The following CTNNBL1 variants were observed in gnomAD, a reference collection of about 807,000 sequenced individuals.
The protein encoded by CTNNBL1 is catenin beta like 1.
Under a neutral mutation model 72.7 loss-of-function variants are expected in CTNNBL1, and 31 were observed. The ratio of observed to expected loss-of-function variants is 0.43; its 90% CI spans 0.32 to 0.58. CTNNBL1 has a LOEUF of 0.58. Among genes scored for constraint, CTNNBL1 ranks in the 20% least tolerant of loss-of-function variants. The pLI is 0.08. For synonymous variants in CTNNBL1, 240 were observed against 267.3 expected (o/e 0.90, Z 1.00); for missense variants, 534 against 725.1 (o/e 0.74, Z 3.03).
chr20:37,746,375 G>A, intron 3 of CTNNBL1, 93 bp from the exon 4 acceptor site: 1 of 1,394,352 alleles, frequency 7.2e-7, no homozygotes. Context: ...TAGACACTTT[G>A]ACAGATTGCC....
intron 5 of CTNNBL1, among the ~76,000 whole-genome samples, chr20:37,760,291 A>G (rs1284389564): frequency 6.6e-6 from 1 of 152,162 alleles, no homozygotes; most frequent in Non-Finnish European, 1.5e-5. Flanking sequence ...TCATTTTTCT[A>G]CTTGCCAGTC....
Position 37,802,978 on chromosome 20 carries a change from C to T in CTNNBL1, c.1143C>T (p.Thr381=), listed in dbSNP as rs780882676. 5 of 1,613,960 alleles carry T rather than the reference C, an allele frequency of 3.1e-6. No individual in the cohort carries two copies. The African/African-American group carries it at 6.7e-5, about 22-fold the overall frequency. Residue 381 remains threonine (T), a synonymous_variant, in exon 11 of 16, where the codon ACC becomes ACT. Transcript: ENST00000361383. ...TTGTTGACATTCTTGGCTTACGAAC[C>T]ATCTTTCCCCTCTTTATGAAATCTC... ...HKFVDILGLR[T]IFPLFMKSPR...
chr20:37,773,835 A>G (rs560495108), intron 7 of CTNNBL1, among the ~76,000 whole-genome samples: 1 of 151,486 alleles, frequency 6.6e-6, no homozygotes, highest in Non-Finnish European at 1.5e-5. Context: ...TTGACTGCTC[A>G]CTACATGCTA....
In CTNNBL1 at chr20:37,763,104, G is replaced by A. The variant is rs2073433051; in HGVS notation, c.565-2093G>A. ...GCAGTTTGCAGAACTGGCAAGCAGT[G>A]TGATACCCAGTGGAGTGGCGGTGTC... On this transcript the variant is annotated intron_variant, in intron 5 of 15. Transcript: ENST00000361383. Among the ~76,000 whole-genome samples, 3 of 152,224 alleles carry A rather than the reference G, an allele frequency of 2.0e-5. No individual in the cohort carries two copies. The South Asian group carries it at 6.2e-4, about 32-fold the overall frequency.
At chr20:37,856,053 A>G (rs1206119751) in intron 13 of CTNNBL1, among the ~76,000 whole-genome samples, 1 of 152,146 alleles carries the variant, frequency 6.6e-6, no homozygotes, top group Non-Finnish European at 1.5e-5. Flanking sequence ...CCTGGCCAAC[A>G]TGGTGAAACC....
chr20:37,723,866 C>T (rs1451384929), intron 1 of CTNNBL1, among the ~76,000 whole-genome samples: 2 of 152,132 alleles, frequency 1.3e-5, no homozygotes, highest in Non-Finnish European at 2.9e-5. Context: ...AGCAAATTTG[C>T]AAGGGAGCCC....
At chr20:37,704,658 C>T (rs143079997) in intron 1 of CTNNBL1, among the ~76,000 whole-genome samples, 202 of 151,756 alleles carry the variant, frequency 1.3e-3, no homozygotes, top group African/African-American at 4.6e-3. Context: ...TTGCAATGAG[C>T]GGTGATCACA....
chr20:37,779,439 C>T lies in CTNNBL1; in HGVS notation c.1031+104C>T. 3.0e-6 allele frequency: 4 copies of T among 1,347,970 alleles called. No homozygotes were observed. The South Asian group carries it at 4.0e-5, about 13-fold the overall frequency. The allele number at this position is 1,347,970 out of a possible 1,614,324, so 83.5% of individuals were successfully genotyped here. On this transcript the variant is annotated intron_variant, in intron 10 of 15. Transcript: ENST00000361383. ...TATGATCATTTATTCTGTTGGGTTT[C>T]CTAGACTTTACCCTGAAGAGTAAAG... is the stretch of plus-strand genomic sequence containing the variant.
chr20:37,739,932 A>G (rs551684622), intron 3 of CTNNBL1, among the ~76,000 whole-genome samples: 95 of 152,216 alleles, frequency 6.2e-4, no homozygotes, highest in Non-Finnish European at 1.2e-3. Context: ...TGGAAATTTA[A>G]GAAATTCAGT....
chr20:37,751,289 T>C (rs1024054019), intron 4 of CTNNBL1, among the ~76,000 whole-genome samples: 1 of 152,048 alleles, frequency 6.6e-6, no homozygotes, highest in Non-Finnish European at 1.5e-5. Flanking sequence ...GACAGAAAAA[T>C]GAGGTCTCAT....
At chr20:37,710,670 A>T (rs1175835612) in intron 1 of CTNNBL1, among the ~76,000 whole-genome samples, 1 of 152,130 alleles carries the variant, frequency 6.6e-6, no homozygotes, top group Non-Finnish European at 1.5e-5. Context: ...TAGGGGCTTA[A>T]CCTGGCCTTC....
intron 1 of CTNNBL1, among the ~76,000 whole-genome samples, chr20:37,729,274 A>C (rs1419391221): frequency 6.6e-6 from 1 of 152,140 alleles, no homozygotes; most frequent in African/African-American, 2.4e-5. Context: ...TTATTAAAAG[A>C]TCTTAGGTAT....
At chr20:37,825,998 G>A (rs192893113) in intron 11 of CTNNBL1, among the ~76,000 whole-genome samples, 60 of 152,302 alleles carry the variant, frequency 3.9e-4, no homozygotes, top group African/African-American at 1.4e-3. Context: ...CACATCGCAA[G>A]CACTGAAGGC....
chr20:37,830,177 T>C (rs2072195718), intron 11 of CTNNBL1, among the ~76,000 whole-genome samples: 1 of 152,064 alleles, frequency 6.6e-6, no homozygotes, highest in South Asian at 2.1e-4. Context: ...ATGTGAAAAA[T>C]TTGTATATTT....
chr20:37,768,188 G>T, intron 7 of CTNNBL1, 144 bp downstream of exon 7: 1 of 605,022 alleles, frequency 1.7e-6, no homozygotes, highest in African/African-American at 1.9e-5. Flanking sequence ...TTTCTTCTCC[G>T]TTTTTGTTCG....
intron 7 of CTNNBL1, among the ~76,000 whole-genome samples, chr20:37,768,600 G>A (rs1047158954): frequency 1.3e-5 from 2 of 152,090 alleles, no homozygotes; most frequent in African/African-American, 4.8e-5. Flanking sequence ...TGCTTTCTGC[G>A]TTTTAGTTAC....
chr20:37,716,511 T>G (rs1376229775), intron 1 of CTNNBL1, among the ~76,000 whole-genome samples: 5 of 152,346 alleles, frequency 3.3e-5, no homozygotes, highest in Admixed American at 2.0e-4. Context: ...CTTGTCTTTA[T>G]TGGAAATGGA....
chr20:37,749,431 A>G (rs1320737480), intron 4 of CTNNBL1, among the ~76,000 whole-genome samples: 32 of 152,220 alleles, frequency 2.1e-4, no homozygotes, highest in Admixed American at 2.1e-3. Flanking sequence ...AGGCAAGGGC[A>G]CAGATGTTCC....
At chr20:37,763,605 C>T (rs2073437782) in intron 5 of CTNNBL1, among the ~76,000 whole-genome samples, 1 of 152,170 alleles carries the variant, frequency 6.6e-6, no homozygotes, top group African/African-American at 2.4e-5. Context: ...TTGCCTGCCT[C>T]CTCAAGCTTG....
Sources: allele counts gnomAD v4.1 joint callset (sites outside exome capture counted in the v4.1 genomes callset), GRCh38; gene constraint gnomAD v4.1.1; transcripts MANE v1.5; gene names NCBI Gene and HGNC (gene_info 2026-07-23, HGNC 2026-07-21).